PRKCE: variants seen among roughly 807,000 people sequenced by gnomAD.
PRKCE encodes protein kinase C epsilon, also known as protein kinase C epsilon type.
PRKCE carries 16 observed loss-of-function variants against 85.4 expected under a neutral mutation model. That is an observed-to-expected ratio of 0.19 (90% CI 0.13 to 0.28). PRKCE has a LOEUF of 0.28. Among genes scored for constraint, PRKCE ranks in the 10% least tolerant of loss-of-function variants. PRKCE has a pLI of 1.00. For missense variants in PRKCE, 573 were observed against 975.2 expected, an observed-to-expected ratio of 0.59 and a Z score of 5.49; for synonymous variants, 388 against 371.5, an observed-to-expected ratio of 1.04 and a Z score of -0.51.
At chr2:45,931,818 T>C (rs1419509475) in intron 2 of PRKCE, among the ~76,000 whole-genome samples, 1 of 152,154 alleles carries the variant, frequency 6.6e-6, no homozygotes, top group Non-Finnish European at 1.5e-5. Context: ...GCGATTCTCG[T>C]GCCTCAGCCT....
chr2:45,858,464 C>T (rs1233794320), intron 2 of PRKCE, among the ~76,000 whole-genome samples: 3 of 151,944 alleles, frequency 2.0e-5, no homozygotes, highest in Non-Finnish European at 1.5e-5. Flanking sequence ...ATCAGACTTA[C>T]CCTCCCTCCC....
At chr2:46,123,391 A>T (rs1385411015) in intron 11 of PRKCE, among the ~76,000 whole-genome samples, 1 of 152,020 alleles carries the variant, frequency 6.6e-6, no homozygotes, top group Non-Finnish European at 1.5e-5. Flanking sequence ...GTCAAATGCA[A>T]GGGATTACTT....
chr2:45,785,199 GA>G (rs1472797514), intron 1 of PRKCE, among the ~76,000 whole-genome samples: 1 of 152,046 alleles, frequency 6.6e-6, no homozygotes, highest in Non-Finnish European at 1.5e-5. Flanking sequence ...AATTATTTAA[GA>G]AAAAAAGAGG....
chr2:45,671,756 C>G (rs1360427534), intron 1 of PRKCE, among the ~76,000 whole-genome samples: 1 of 151,982 alleles, frequency 6.6e-6, no homozygotes. Flanking sequence ...AGTTTAGTGA[C>G]TTGATCAAAG....
chr2:46,115,612 A>T (rs1226241405), intron 11 of PRKCE, among the ~76,000 whole-genome samples: 1 of 152,236 alleles, frequency 6.6e-6, no homozygotes, highest in Non-Finnish European at 1.5e-5. Context: ...TGCATGCAGC[A>T]GGCCAGATTT....
chr2:45,918,160 C>T (rs1375552660), intron 2 of PRKCE, among the ~76,000 whole-genome samples: 2 of 152,220 alleles, frequency 1.3e-5, no homozygotes, highest in African/African-American at 4.8e-5. Flanking sequence ...TCAAATGCCG[C>T]CAGAGTGGGA....
At chr2:45,962,819 C>G (rs1574040250) in intron 2 of PRKCE, among the ~76,000 whole-genome samples, 1 of 152,066 alleles carries the variant, frequency 6.6e-6, no homozygotes, top group East Asian at 1.9e-4. Context: ...TGTCAGAGCT[C>G]CTGAGCCCTG....
intron 11 of PRKCE, among the ~76,000 whole-genome samples, chr2:46,141,624 T>A (rs375092493): frequency 6.6e-6 from 1 of 152,144 alleles, no homozygotes; most frequent in Non-Finnish European, 1.5e-5. Flanking sequence ...AATAGATAAA[T>A]GAGTATAGGC....
chr2:45,656,221 G>T (rs1161631074), intron 1 of PRKCE, among the ~76,000 whole-genome samples: 3 of 152,136 alleles, frequency 2.0e-5, no homozygotes, highest in Non-Finnish European at 4.4e-5. Context: ...TCACAGGTTT[G>T]GAGCATGTAG....
At chr2:45,906,532 G>A (rs776474031) in intron 2 of PRKCE, among the ~76,000 whole-genome samples, 1 of 152,206 alleles carries the variant, frequency 6.6e-6, no homozygotes. Flanking sequence ...AGAGGGGGAC[G>A]GGTTTCCAGT....
intron 1 of PRKCE, among the ~76,000 whole-genome samples, chr2:45,761,096 G>A (rs1684440824): frequency 6.6e-6 from 1 of 152,122 alleles, no homozygotes; most frequent in Admixed American, 6.5e-5. Flanking sequence ...GGGAGGCCAA[G>A]GTGGGCGGAT....
At chr2:45,727,504 C>G (rs1282717387) in intron 1 of PRKCE, among the ~76,000 whole-genome samples, 1 of 152,136 alleles carries the variant, frequency 6.6e-6, no homozygotes, top group Non-Finnish European at 1.5e-5. Context: ...TTCCAGGTAG[C>G]TTAGAGGATT....
rs779707096 is a variant in PRKCE, at chr2:46,185,127, A to G, written c.*246A>G. ...ACTCATTGGGTCAGCAATTAGCTGT[A>G]TACACTGCCGTGTTTGGACCATTGG... On this transcript the variant is annotated 3_prime_UTR_variant, in exon 15 of 15. Coordinates refer to ENST00000306156, the MANE Select transcript of PRKCE (RefSeq NM_005400.3). This position sits in a 1 kb window ranked among gnomAD's most constrained non-coding sequence, Gnocchi z 4.7. 15 of 512,714 alleles carry G rather than the reference A, an allele frequency of 2.9e-5. No individual in the cohort carries two copies. Among genetic ancestry groups the G allele is most frequent in the Middle Eastern group, 1.0e-3 (2 of 1,928 alleles). 31.8% of individuals were successfully genotyped at this position (512,714 alleles called of 1,614,324 possible).
chr2:46,135,683 G>A (rs922512483), intron 11 of PRKCE, among the ~76,000 whole-genome samples: 19 of 144,974 alleles, frequency 1.3e-4, no homozygotes, highest in Admixed American at 6.5e-4. Flanking sequence ...TTTGACTCTC[G>A]GTTATCAGCA....
intron 6 of PRKCE, among the ~76,000 whole-genome samples, chr2:45,998,740 CTA>C (rs1317111924): frequency 2.0e-5 from 3 of 152,116 alleles, no homozygotes; most frequent in Non-Finnish European, 2.9e-5. Flanking sequence ...TTCTTTGTTT[CTA>C]TGTTTGTCTT....
intron 2 of PRKCE, among the ~76,000 whole-genome samples, chr2:45,972,754 T>G (rs1054030640): frequency 6.6e-6 from 1 of 152,256 alleles, no homozygotes; most frequent in African/African-American, 2.4e-5. Context: ...GCACTCTTGT[T>G]GAAGATCAGT....
At chr2:45,851,686 A>T (rs2105561056) in intron 2 of PRKCE, 1 of 152,362 alleles carries the variant, frequency 6.6e-6, no homozygotes, top group Non-Finnish European at 1.5e-5. Context: ...TCCCATTCAC[A>T]GAGTGACTTG....
Position 45,895,670 on chromosome 2 carries a change from TC to T in PRKCE, c.412+52608del, listed in dbSNP as rs1462163724. ...AGGGTAGATGATGTCAGCTTTTCCA[TC>T]TCAGCTGAATCAAATTGTACGGAGC... On this transcript the variant is annotated intron_variant, in intron 2 of 14. Transcript: ENST00000306156. The surrounding 1 kb of genome is among the most constrained non-coding windows in gnomAD (Gnocchi z 4.8). Among the ~76,000 whole-genome samples, 2 of 152,210 alleles carry T rather than the reference TC, an allele frequency of 1.3e-5. No homozygotes were observed. Among genetic ancestry groups the T allele is most frequent in the African/African-American group, 2.4e-5 (1 of 41,450 alleles).
intron 14 of PRKCE, among the ~76,000 whole-genome samples, chr2:46,179,436 G>A (rs1679754902): frequency 6.6e-6 from 1 of 152,060 alleles, no homozygotes; most frequent in South Asian, 2.1e-4. Flanking sequence ...TCTCTGAGAG[G>A]GATCTGGACT....
Sources: allele counts gnomAD v4.1 joint callset (sites outside exome capture counted in the v4.1 genomes callset), GRCh38; gene constraint gnomAD v4.1.1; non-coding constraint Gnocchi (gnomAD v3.1); transcripts MANE v1.5; gene names NCBI Gene and HGNC (gene_info 2026-07-23, HGNC 2026-07-21).